The following COG5 variants were observed in gnomAD, a reference collection of about 807,000 sequenced individuals.
The protein encoded by COG5 is component of oligomeric golgi complex 5.
COG5 carries 86 observed loss-of-function variants against 110.4 expected under a neutral mutation model. That is an observed-to-expected ratio of 0.78 (90% confidence interval 0.65 to 0.93). The LOEUF (loss-of-function observed/expected upper bound fraction) is 0.93, where lower values mean the gene tolerates loss of function less well. Ranked by LOEUF, COG5 falls within the 40% of genes least tolerant of loss-of-function variation. COG5 has a pLI of 0.00. For missense variants in COG5, 1,077 were observed against 987.0 expected, an observed-to-expected ratio of 1.09 and a Z score of -1.22; for synonymous variants, 360 against 334.6, an observed-to-expected ratio of 1.08 and a Z score of -0.83.
chr7:107,492,533 A>T (rs1186684132), intron 6 of COG5, among the ~76,000 whole-genome samples: 1 of 152,070 alleles, frequency 6.6e-6, no homozygotes, highest in Non-Finnish European at 1.5e-5. Flanking sequence ...GCAGAATGGA[A>T]GTCCTTATGG....
At chr7:107,296,853 T>A (rs951256156) in intron 12 of COG5, among the ~76,000 whole-genome samples, 7 of 152,150 alleles carry the variant, frequency 4.6e-5, no homozygotes, top group Non-Finnish European at 1.0e-4. Context: ...CTATCCAACA[T>A]TTTTCTTACA....
At chr7:107,360,501 C>T (rs1813014871) in intron 10 of COG5, among the ~76,000 whole-genome samples, 1 of 152,200 alleles carries the variant, frequency 6.6e-6, no homozygotes, top group South Asian at 2.1e-4. Flanking sequence ...CTTTGGGAAG[C>T]CCACACCTAG....
chr7:107,383,044 C>T (rs751705323), intron 7 of COG5, among the ~76,000 whole-genome samples: 8 of 152,048 alleles, frequency 5.3e-5, no homozygotes, highest in East Asian at 3.9e-4. Context: ...AAATAGGATG[C>T]GCATCACTCA....
chr7:107,338,026 A>C (rs1362283554), intron 10 of COG5, among the ~76,000 whole-genome samples: 1 of 152,176 alleles, frequency 6.6e-6, no homozygotes, highest in Non-Finnish European at 1.5e-5. Context: ...TAATGCACTG[A>C]ACAATGGGCT....
At chr7:107,520,516 C>T in intron 6 of COG5, among the ~76,000 whole-genome samples, 1 of 151,984 alleles carries the variant, frequency 6.6e-6, no homozygotes, top group East Asian at 1.9e-4. Context: ...AAGCAGAGAG[C>T]CCAATCATGA....
intron 21 of COG5, among the ~76,000 whole-genome samples, chr7:107,205,567 T>G (rs895383245): frequency 6.6e-6 from 1 of 152,096 alleles, no homozygotes; most frequent in Admixed American, 6.6e-5. Context: ...AAGTAGGGGG[T>G]GCCAAAGGGC....
chr7:107,255,154 G>A (rs1307453545), intron 16 of COG5, among the ~76,000 whole-genome samples: 5 of 152,064 alleles, frequency 3.3e-5, no homozygotes, highest in Non-Finnish European at 7.4e-5. Flanking sequence ...AAAAAATGTG[G>A]AATTATAGAA....
intron 11 of COG5, among the ~76,000 whole-genome samples, chr7:107,300,061 A>G (rs1383374322): frequency 6.6e-6 from 1 of 151,752 alleles, no homozygotes; most frequent in Admixed American, 6.6e-5. Context: ...TTCATATTTT[A>G]ACAAACTTAA....
chr7:107,528,382 C>T (rs1277677129), intron 5 of COG5, among the ~76,000 whole-genome samples: 2 of 152,166 alleles, frequency 1.3e-5, no homozygotes, highest in African/African-American at 2.4e-5. Context: ...AGCCACCATG[C>T]GTGGTGATTT....
intron 6 of COG5, among the ~76,000 whole-genome samples, chr7:107,413,054 G>A (rs1175094991): frequency 6.6e-6 from 1 of 151,868 alleles, no homozygotes; most frequent in East Asian, 1.9e-4. Context: ...TGCTCAGGCT[G>A]GAGTGTAGTG....
At chr7:107,277,014 T>C (rs1015341208) in intron 14 of COG5, among the ~76,000 whole-genome samples, 2 of 152,216 alleles carry the variant, frequency 1.3e-5, no homozygotes, top group Non-Finnish European at 2.9e-5. Context: ...AGAACTCAGA[T>C]GTGAAGCATC....
At chr7:107,442,302 C>A (rs1352217536) in intron 6 of COG5, among the ~76,000 whole-genome samples, 1 of 152,148 alleles carries the variant, frequency 6.6e-6, no homozygotes. Flanking sequence ...TCTCCTGAGG[C>A]TTCCCTAGAA....
intron 7 of COG5, among the ~76,000 whole-genome samples, chr7:107,380,910 A>G (rs995355755): frequency 6.6e-6 from 1 of 152,196 alleles, no homozygotes; most frequent in African/African-American, 2.4e-5. Context: ...AAAATCCTCA[A>G]TAAAATACTG....
At chr7:107,373,622 G>T (rs1386918337) in intron 7 of COG5, among the ~76,000 whole-genome samples, 1 of 152,016 alleles carries the variant, frequency 6.6e-6, no homozygotes, top group Admixed American at 6.6e-5. Context: ...GAAGCAGAGA[G>T]GCAGAAGATG....
chr7:107,502,457 T>C (rs879924918), intron 6 of COG5, among the ~76,000 whole-genome samples: 11 of 152,184 alleles, frequency 7.2e-5, no homozygotes, highest in Non-Finnish European at 1.0e-4. Context: ...ATCTTTGAAA[T>C]TGTGAATTGG....
chr7:107,345,784 T>C (rs1483425589), intron 10 of COG5, among the ~76,000 whole-genome samples: 1 of 152,212 alleles, frequency 6.6e-6, no homozygotes, highest in African/African-American at 2.4e-5. Context: ...TCACATGAAT[T>C]AGGTTGGAGT....
intron 1 of COG5, chr7:107,563,586 A>G (rs1359079251): frequency 1.3e-5 from 8 of 592,656 alleles, no homozygotes; most frequent in Admixed American, 1.3e-4. Context: ...ACACACAGAA[A>G]CCAAGTGTCC....
intron 17 of COG5, among the ~76,000 whole-genome samples, chr7:107,242,498 G>C (rs1801724107): frequency 6.6e-6 from 1 of 152,206 alleles, no homozygotes; most frequent in Non-Finnish European, 1.5e-5. Context: ...CCCAGCCAGA[G>C]CTATCAAGCC....
At position 107,285,130 on chromosome 7, in the gene COG5, T is replaced by C. The variant is rs748349437; in HGVS notation, c.1314-1398A>G. Among the ~76,000 whole-genome samples the C allele has an allele frequency of 7.8e-4, 118 of 152,198 alleles. 1 individual carries two copies. The highest frequency in any genetic ancestry group is 1.2e-3 in the Admixed American group (19 of 15,274). Reference sequence around the variant, plus strand: ...ACGCACCAGGCACTTTGTAAAGTGCTGGGAAGATAGAGATTAAGAGTGCTT... The same window carrying C: ...ACGCACCAGGCACTTTGTAAAGTGCCGGGAAGATAGAGATTAAGAGTGCTT... On this transcript the variant is annotated intron_variant, in intron 12 of 21. Transcript: ENST00000297135.
Sources: allele counts gnomAD v4.1 joint callset (sites outside exome capture counted in the v4.1 genomes callset), GRCh38; gene constraint gnomAD v4.1.1; transcripts MANE v1.5; gene names NCBI Gene and HGNC (gene_info 2026-07-23, HGNC 2026-07-21).